The following GGNBP2 variants were observed in gnomAD, a reference collection of about 807,000 sequenced individuals.
The protein encoded by GGNBP2 is gametogenetin binding protein 2.
Under a neutral mutation model 85.9 loss-of-function variants are expected in GGNBP2, and 10 were observed. The ratio of observed to expected loss-of-function variants is 0.12; its 90% CI spans 0.07 to 0.20. GGNBP2 has a LOEUF of 0.20. Among genes scored for constraint, GGNBP2 ranks in the 10% least tolerant of loss-of-function variants. The pLI, the probability that GGNBP2 is intolerant of heterozygous loss-of-function variation, is 1.00. For missense variants in GGNBP2, 595 were observed against 857.8 expected (o/e 0.69, Z 3.83); for synonymous variants, 287 against 285.7 (o/e 1.00, Z -0.05).
intron 1 of GGNBP2, 74 bp from the exon 2 acceptor site, chr17:36,545,545 C>T (rs2074242752): frequency 1.8e-6 from 1 of 571,076 alleles, no homozygotes; most frequent in Admixed American, 3.1e-5. Flanking sequence ...CCCTCCCGCT[C>T]CGCTCCCTGC....
intron 4 of GGNBP2, 66 bp from the exon 5 acceptor site, chr17:36,560,707 A>G: frequency 2.2e-6 from 2 of 926,970 alleles, no homozygotes; most frequent in East Asian, 5.3e-5. Context: ...AAAAGACAGT[A>G]AATAGAGATT....
chr17:36,551,469 G>T (rs1490223260), intron 2 of GGNBP2, among the ~76,000 whole-genome samples: 1 of 152,018 alleles, frequency 6.6e-6, no homozygotes, highest in Non-Finnish European at 1.5e-5. Context: ...CTCCCAAAGT[G>T]CTGGGATTAC....
Position 36,568,485 on chromosome 17 carries a change from C to T in GGNBP2, c.641+709C>T, listed in dbSNP as rs531892653. Among the ~76,000 whole-genome samples the T allele has an allele frequency of 7.9e-5, 12 of 152,018 alleles. No homozygotes were observed. In the South Asian group the frequency reaches 2.1e-3, roughly 26 times the overall value. The stretch of plus-strand genomic sequence containing the variant: ...CTAATTTTTGTATTTTTAGTAGAGA[C>T]GGGGCTTCGCCATGTTGTTCAGGCT... On this transcript the variant is annotated intron_variant, in intron 6 of 13. Transcript: ENST00000613102.
At chr17:36,557,466 C>T (rs372982668) in intron 4 of GGNBP2, 130 bp downstream of exon 4, 3 of 754,770 alleles carry the variant, frequency 4.0e-6, no homozygotes, top group Admixed American at 2.7e-5. Context: ...TTGTATGTAC[C>T]AGTGGATGTA....
intron 6 of GGNBP2, among the ~76,000 whole-genome samples, chr17:36,575,648 A>ATATATTTTT (rs374366757): frequency 5.1e-4 from 28 of 54,910 alleles, no homozygotes; most frequent in African/African-American, 1.3e-3. Flanking sequence ...ATATATATAT[A>ATATATTTTT]TTTTTTTTTT....
At chr17:36,577,202 A>G (rs1052037186) in intron 6 of GGNBP2, 4 of 152,200 alleles carry the variant, frequency 2.6e-5, no homozygotes, top group African/African-American at 4.8e-5. Context: ...CAGGAATTCA[A>G]AGATAAAGAA....
chr17:36,588,296 T>C (rs1453316396), intron 13 of GGNBP2, among the ~76,000 whole-genome samples: 1 of 152,156 alleles, frequency 6.6e-6, no homozygotes, highest in African/African-American at 2.4e-5. Context: ...TTTGCTCTGT[T>C]GCCCAGGCTG....
intron 13 of GGNBP2, 88 bp from the exon 14 acceptor site, chr17:36,589,120 A>G (rs936011905): frequency 2.3e-6 from 2 of 879,514 alleles, no homozygotes; most frequent in Non-Finnish European, 3.6e-6. Flanking sequence ...CTAAAAAGTT[A>G]GACTGGTTTA....
At chr17:36,585,690 C>T in intron 10 of GGNBP2, 150 bp from the exon 11 acceptor site, 2 of 687,042 alleles carry the variant, frequency 2.9e-6, no homozygotes, top group East Asian at 3.0e-5. Flanking sequence ...AATTTACTTT[C>T]TACTTAAAAA....
At chr17:36,580,701 C>T (rs2074639748) in intron 8 of GGNBP2, among the ~76,000 whole-genome samples, 1 of 151,450 alleles carries the variant, frequency 6.6e-6, no homozygotes. Flanking sequence ...GGGCGGATCA[C>T]TTGAGGCCAG....
chr17:36,554,867 G>C lies in GGNBP2; in HGVS notation c.141G>C (p.Gln47His). 6.2e-7 allele frequency: 1 copy of C among 1,609,446 alleles called. No individual in the cohort carries two copies. The highest frequency in any genetic ancestry group is 1.1e-5 in the South Asian group (1 of 90,982). The stretch of plus-strand genomic sequence containing the variant: ...ATGTGTTAAATCTCGATGGACATCA[G>C]AATAATGGTGCACAGCTAAAGCAGT... ...PDNVLNLDGHQNNGAQLKQFI... is the reference protein window; with the variant it reads ...PDNVLNLDGHHNNGAQLKQFI... Residue 47 changes from glutamine (Q) to histidine (H), a missense_variant, in exon 3 of 14, where the codon CAG becomes CAC. Physicochemically the swap from Gln to His is conservative, Grantham distance 24 (BLOSUM62 0). Transcript: ENST00000613102.
At chr17:36,589,089 CT>C (rs2074732721) in intron 13 of GGNBP2, 118 bp from the exon 14 acceptor site, 1 of 697,952 alleles carries the variant, frequency 1.4e-6, no homozygotes, top group Non-Finnish European at 2.5e-6. Flanking sequence ...CAATTAAAGG[CT>C]TTATGTGACT....
intron 4 of GGNBP2, among the ~76,000 whole-genome samples, chr17:36,560,502 C>T (rs954538137): frequency 4.6e-5 from 7 of 152,158 alleles, no homozygotes; most frequent in South Asian, 2.1e-4. Flanking sequence ...CCTTTCACCT[C>T]GGCCTCCCAA....
At position 36,589,467 on chromosome 17, in the gene GGNBP2, C is replaced by A; in HGVS notation, c.*56C>A. ...ACACTCACGATGACTACTGCGCCTT[C>A]TCTTTCGAAAAACTCTTAATTTAGT... On this transcript the variant is annotated 3_prime_UTR_variant, in exon 14 of 14. Transcript: ENST00000613102. 1 of 1,349,284 alleles carries A rather than the reference C, an allele frequency of 7.4e-7. No homozygotes were observed. Among genetic ancestry groups the A allele is most frequent in the East Asian group, 2.3e-5 (1 of 43,458 alleles). The allele number at this position is 1,349,284 out of a possible 1,614,324, so 83.6% of individuals were successfully genotyped here.
intron 9 of GGNBP2, 105 bp downstream of exon 9, chr17:36,581,643 G>C: frequency 1.3e-6 from 1 of 752,414 alleles, no homozygotes; most frequent in Non-Finnish European, 2.1e-6. Context: ...ACTTTGGGAG[G>C]CCCAGGGTGG....
chr17:36,566,871 A>C (rs1161024184), intron 5 of GGNBP2, among the ~76,000 whole-genome samples: 2 of 149,216 alleles, frequency 1.3e-5, no homozygotes, highest in East Asian at 3.9e-4. Flanking sequence ...GAGTGATTAC[A>C]AAAAAAAAAT....
Position 36,589,474 on chromosome 17 carries a change from G to A in GGNBP2, c.*63G>A, listed in dbSNP as rs924689742. 4.6e-6 allele frequency: 6 copies of A among 1,301,900 alleles called. No individual in the cohort carries two copies. Among genetic ancestry groups the A allele is most frequent in the Middle Eastern group, 1.9e-4 (1 of 5,366 alleles). 80.6% of individuals were successfully genotyped at this position (1,301,900 alleles called of 1,614,324 possible). ...CGATGACTACTGCGCCTTCTCTTTCGAAAAACTCTTAATTTAGTGACTTAT... is the reference window on the plus strand; with the variant it reads ...CGATGACTACTGCGCCTTCTCTTTCAAAAAACTCTTAATTTAGTGACTTAT... On this transcript the variant is annotated 3_prime_UTR_variant, in exon 14 of 14. Coordinates refer to ENST00000613102, the MANE Select transcript of GGNBP2 (RefSeq NM_024835.5).
chr17:36,559,078 T>A (rs1199623165), intron 4 of GGNBP2, among the ~76,000 whole-genome samples: 1 of 151,718 alleles, frequency 6.6e-6, no homozygotes, highest in East Asian at 1.9e-4. Flanking sequence ...TGAGGGTGGA[T>A]CACCAGAGGT....
chr17:36,563,360 T>G (rs2074438222), intron 5 of GGNBP2, among the ~76,000 whole-genome samples: 1 of 152,146 alleles, frequency 6.6e-6, no homozygotes, highest in Non-Finnish European at 1.5e-5. Flanking sequence ...TCCCATGCAC[T>G]TTTACCAAGA....
Sources: allele counts gnomAD v4.1 joint callset (sites outside exome capture counted in the v4.1 genomes callset), GRCh38; gene constraint gnomAD v4.1.1; transcripts MANE v1.5; gene names NCBI Gene and HGNC (gene_info 2026-07-23, HGNC 2026-07-21).